Variants in ZNF131 observed in about 807,000 individuals in gnomAD.
ZNF131 encodes zinc finger and BTB domain containing 35.
ZNF131 carries 7 observed loss-of-function variants against 60.0 expected under a neutral mutation model. The observed-to-expected ratio is 0.12, with a 90% CI of 0.07 to 0.22. ZNF131 has a LOEUF of 0.22. Ranked by LOEUF, ZNF131 falls within the 10% of genes least tolerant of loss-of-function variation. The pLI, the probability that ZNF131 is intolerant of heterozygous loss-of-function variation, is 1.00. For synonymous variants in ZNF131, 257 were observed against 253.2 expected, an observed-to-expected ratio of 1.01 and a Z score of -0.14; for missense variants, 493 against 740.9, an observed-to-expected ratio of 0.67 and a Z score of 3.88.
At chr5:43,173,090 A>G (rs114890208) in intron 5 of ZNF131, 16 of 330,238 alleles carry the variant, frequency 4.8e-5, no homozygotes, top group African/African-American at 3.4e-4. Flanking sequence ...TGCAAATTAT[A>G]TTTATCTTTG....
At chr5:43,130,327 C>T (rs948965166) in intron 3 of ZNF131, among the ~76,000 whole-genome samples, 8 of 141,430 alleles carry the variant, frequency 5.7e-5, no homozygotes, top group African/African-American at 2.1e-4. Flanking sequence ...AAGACAGAAT[C>T]AAAAAGTTCT....
At chr5:43,125,704 C>G (rs1347065357) in intron 3 of ZNF131, among the ~76,000 whole-genome samples, 2 of 151,846 alleles carry the variant, frequency 1.3e-5, no homozygotes, top group Non-Finnish European at 2.9e-5. Context: ...TCGCTTGAAC[C>G]CGGGAGGCGG....
chr5:43,163,315 T>C (rs901418750), intron 5 of ZNF131, among the ~76,000 whole-genome samples: 3 of 152,170 alleles, frequency 2.0e-5, no homozygotes, highest in Non-Finnish European at 4.4e-5. Context: ...AGTTACCTGC[T>C]TTGGCACAGT....
chr5:43,131,311 T>A (rs1745324964), intron 3 of ZNF131, among the ~76,000 whole-genome samples: 1 of 152,018 alleles, frequency 6.6e-6, no homozygotes. Flanking sequence ...TAACTGGGAT[T>A]ACAGGCGTGC....
chr5:43,157,175 C>T (rs954034464), intron 4 of ZNF131, among the ~76,000 whole-genome samples: 6 of 152,110 alleles, frequency 3.9e-5, no homozygotes, highest in Admixed American at 1.3e-4. Context: ...GCAAAAAAAA[C>T]TTGGAAACCT....
At chr5:43,158,524 A>T (rs1289569925) in intron 4 of ZNF131, among the ~76,000 whole-genome samples, 2 of 152,194 alleles carry the variant, frequency 1.3e-5, no homozygotes, top group African/African-American at 4.8e-5. Flanking sequence ...TCCTGACCTC[A>T]GTTGATCCTC....
At chr5:43,127,899 T>C (rs1402328679) in intron 3 of ZNF131, among the ~76,000 whole-genome samples, 2 of 152,376 alleles carry the variant, frequency 1.3e-5, no homozygotes, top group East Asian at 3.9e-4. Flanking sequence ...CACAGATCCA[T>C]GGCACTTAGT....
In ZNF131 at chr5:43,123,445, A is replaced by C. The variant is rs184629775; in HGVS notation, c.226+135A>C. The C allele has an allele frequency of 8.0e-6, 5 of 625,644 alleles. No individual in the cohort carries two copies. The East Asian group carries it at 1.5e-4, about 19-fold the overall frequency. The allele number at this position is 625,644 out of a possible 1,614,324, so 38.8% of individuals were successfully genotyped here. A position where few individuals can be genotyped will look rare whatever the true frequency, so the allele number is the denominator to read the frequency against. Reference sequence around the variant, plus strand: ...AGTTTATCAAGACACCATAGGAAATAGGCATCAGTAGTTCCTGTAGGTAAA... The same window carrying C: ...AGTTTATCAAGACACCATAGGAAATCGGCATCAGTAGTTCCTGTAGGTAAA... On this transcript the variant is annotated intron_variant, in intron 3 of 6. Coordinates refer to ENST00000682664, the MANE Select transcript of ZNF131 (RefSeq NM_001330707.2).
rs188983124 is a variant in ZNF131, at chr5:43,125,571, G to A, written c.226+2261G>A. 1.9e-3 allele frequency among the ~76,000 whole-genome samples: 284 copies of A among 151,962 alleles called. 2 individuals carry two copies. The highest frequency in any genetic ancestry group is 6.6e-3 in the African/African-American group (272 of 41,516). On this transcript the variant is annotated intron_variant, in intron 3 of 6. Transcript: ENST00000682664. The stretch of plus-strand genomic sequence containing the variant: ...CGAGGCAGGCAGATCACCTGAGGTC[G>A]AGAGGTCGAGACCAGCCTGACCAAC...
At chr5:43,134,579 A>T (rs947608186) in intron 3 of ZNF131, among the ~76,000 whole-genome samples, 1 of 152,174 alleles carries the variant, frequency 6.6e-6, no homozygotes, top group Admixed American at 6.5e-5. Flanking sequence ...TGCAGATGAC[A>T]TCTTATATAT....
chr5:43,148,092 C>G (rs1579811040), intron 4 of ZNF131, among the ~76,000 whole-genome samples: 1 of 135,204 alleles, frequency 7.4e-6, no homozygotes, highest in Non-Finnish European at 1.5e-5. Context: ...GTTTTATATG[C>G]TGGGTATGGT....
intron 5 of ZNF131, among the ~76,000 whole-genome samples, chr5:43,164,191 A>G (rs561077105): frequency 6.6e-6 from 1 of 152,318 alleles, no homozygotes; most frequent in South Asian, 2.1e-4. Context: ...TCAACTAAAT[A>G]TGGATCAAAA....
At position 43,161,371 on chromosome 5, in the gene ZNF131, C is replaced by G; in HGVS notation, c.494C>G (p.Pro165Arg). The change falls in exon 5 of 7, where the codon CCT (proline) becomes CGT (arginine). Residue 165 changes from proline to arginine, a missense_variant. Pro to Arg is a moderately radical substitution (Grantham distance 103, BLOSUM62 -2). Around this residue, in one of 7 missense-constraint regions of ZNF131, gnomAD observed 138 missense variants for 158.7 expected, o/e 0.87. Coordinates refer to ENST00000682664, the MANE Select transcript of ZNF131 (RefSeq NM_001330707.2). Reference protein sequence around the residue: ...TESLPSAESEPVEIEVEIAEG... With the variant: ...TESLPSAESERVEIEVEIAEG... Reference sequence around the variant, plus strand: ...TCATTGCCATCTGCAGAATCAGAACCTGTTGAAATTGAGGTAGAGATTGCC... The same window carrying G: ...TCATTGCCATCTGCAGAATCAGAACGTGTTGAAATTGAGGTAGAGATTGCC... The G allele has an allele frequency of 1.9e-6, 3 of 1,614,210 alleles. No homozygotes were observed. The highest frequency in any genetic ancestry group is 1.7e-6 in the Non-Finnish European group (2 of 1,180,042).
At chr5:43,137,887 A>G (rs936874463) in intron 3 of ZNF131, among the ~76,000 whole-genome samples, 2 of 152,262 alleles carry the variant, frequency 1.3e-5, no homozygotes, top group Non-Finnish European at 2.9e-5. Flanking sequence ...AATACTATTC[A>G]GCTCTTAAGA....
At chr5:43,173,779 A>C (rs1232371551) in intron 6 of ZNF131, among the ~76,000 whole-genome samples, 1 of 152,186 alleles carries the variant, frequency 6.6e-6, no homozygotes, top group Non-Finnish European at 1.5e-5. Context: ...TTTTATATCA[A>C]ATATCAAACA....
At chr5:43,171,972 TC>T in intron 5 of ZNF131, among the ~76,000 whole-genome samples, 1 of 152,322 alleles carries the variant, frequency 6.6e-6, no homozygotes, top group Middle Eastern at 3.4e-3. Context: ...CCCAGGCTGT[TC>T]CCGTCAAGCA....
intron 3 of ZNF131, among the ~76,000 whole-genome samples, chr5:43,131,789 A>G (rs1165984631): frequency 6.7e-6 from 1 of 149,484 alleles, no homozygotes; most frequent in Non-Finnish European, 1.5e-5. Flanking sequence ...TAACAAGGGT[A>G]GGCATATGTG....
chr5:43,124,261 C>T (rs561792304), intron 3 of ZNF131: 1 of 152,250 alleles, frequency 6.6e-6, no homozygotes, highest in South Asian at 2.1e-4. Flanking sequence ...GTAACTCCTC[C>T]CCTACCACCA....
intron 3 of ZNF131, among the ~76,000 whole-genome samples, chr5:43,135,360 T>G (rs1464128305): frequency 1.3e-5 from 2 of 152,076 alleles, no homozygotes; most frequent in Non-Finnish European, 2.9e-5. Flanking sequence ...ACAATCCCAT[T>G]TATATTGACA....
Sources: allele counts gnomAD v4.1 joint callset (sites outside exome capture counted in the v4.1 genomes callset), GRCh38; gene constraint gnomAD v4.1.1; regional missense constraint gnomAD v4.1.1; transcripts MANE v1.5; gene names NCBI Gene and HGNC (gene_info 2026-07-23, HGNC 2026-07-21).